The following IGFBP2 variants were observed in gnomAD, a reference collection of about 807,000 sequenced individuals.
The protein encoded by IGFBP2 is insulin like growth factor binding protein 2.
In IGFBP2, 12 loss-of-function variants were observed where a neutral mutation model predicts 26.2. The observed-to-expected ratio is 0.46, with a 90% CI of 0.29 to 0.74. IGFBP2 has a LOEUF of 0.74. IGFBP2 is among the 30% of genes least tolerant of loss of function. IGFBP2 has a pLI of 0.09. For synonymous variants in IGFBP2, 189 were observed against 200.6 expected (o/e 0.94, Z 0.49); for missense variants, 328 against 441.2 (o/e 0.74, Z 2.30).
chr2:216,637,130 T>A (rs1697514438), intron 1 of IGFBP2, among the ~76,000 whole-genome samples: 1 of 152,182 alleles, frequency 6.6e-6, no homozygotes, highest in African/African-American at 2.4e-5. Flanking sequence ...GAGTTCAAAG[T>A]CGTAAAATAG....
intron 1 of IGFBP2, among the ~76,000 whole-genome samples, chr2:216,646,116 C>T (rs529099145): frequency 2.0e-4 from 31 of 152,248 alleles, no homozygotes; most frequent in Admixed American, 5.2e-4. Context: ...TGAGAGTGGC[C>T]GGCAATCCTG....
intron 1 of IGFBP2, among the ~76,000 whole-genome samples, chr2:216,653,669 A>G (rs567296275): frequency 6.6e-6 from 1 of 152,226 alleles, no homozygotes; most frequent in Non-Finnish European, 1.5e-5. Flanking sequence ...GCTCTCCTCT[A>G]GGGGTCTTAG....
At chr2:216,636,557 A>G (rs1291213362) in intron 1 of IGFBP2, among the ~76,000 whole-genome samples, 2 of 152,010 alleles carry the variant, frequency 1.3e-5, no homozygotes, top group Non-Finnish European at 2.9e-5. Flanking sequence ...GAAACTGAGA[A>G]GTCAGTCTTG....
At position 216,663,973 on chromosome 2, in the gene IGFBP2, T is replaced by G. The variant is rs1328203951; in HGVS notation, c.847T>G (p.Cys283Gly). 6.2e-7 allele frequency: 1 copy of G among 1,613,988 alleles called. No individual in the cohort carries two copies. Residue 283 changes from cysteine to glycine, a missense_variant, in exon 4 of 4, where the codon TGC becomes GGC. By Grantham distance (159) the Cys-to-Gly change is radical. Transcript: ENST00000233809. ...GTCTCTGAACGGGCAGCGTGGGGAG[T>G]GCTGGTGTGTGAACCCCAACACCGG... The part of the protein sequence containing the change: ...KMSLNGQRGE[C>G]WCVNPNTGKL...
At chr2:216,633,351 G>T (rs1284043676), upstream of IGFBP2, 6 of 155,556 alleles carry the variant, frequency 3.9e-5, no homozygotes, top group Non-Finnish European at 7.1e-5. Flanking sequence ...GTCTCCAAAA[G>T]GGGGAGGGGA....
chr2:216,658,291 C>A (rs1697956961), intron 1 of IGFBP2, among the ~76,000 whole-genome samples: 1 of 152,136 alleles, frequency 6.6e-6, no homozygotes, highest in Non-Finnish European at 1.5e-5. Context: ...TGTCTCGAGG[C>A]TCCTCACGAG....
intron 1 of IGFBP2, among the ~76,000 whole-genome samples, chr2:216,644,451 A>T (rs575093180): frequency 1.3e-5 from 2 of 152,184 alleles, no homozygotes; most frequent in Non-Finnish European, 2.9e-5. Context: ...TCTCTGAGCC[A>T]GGAAGTCAAA....
At chr2:216,644,639 T>C (rs2106193748) in intron 1 of IGFBP2, among the ~76,000 whole-genome samples, 1 of 152,332 alleles carries the variant, frequency 6.6e-6, no homozygotes, top group South Asian at 2.1e-4. Flanking sequence ...GGGAGCCACC[T>C]CAAAGAATAA....
At position 216,664,351 on chromosome 2, in the gene IGFBP2, G is replaced by A. The variant is rs1485394480; in HGVS notation, c.*247G>A. On this transcript the variant is annotated 3_prime_UTR_variant, in exon 4 of 4. Coordinates refer to ENST00000233809, the MANE Select transcript of IGFBP2 (RefSeq NM_000597.3). This position sits in a 1 kb window ranked among gnomAD's most constrained non-coding sequence, Gnocchi z 4.6. ...AGGGGGTTGTGGTCGGGGAGCTGGG[G>A]TACAGGTTTGGGGAGGGGGAAGAGA... The A allele has an allele frequency of 5.1e-6, 2 of 392,616 alleles. No individual in the cohort carries two copies. Among genetic ancestry groups the A allele is most frequent in the Non-Finnish European group, 9.1e-6 (2 of 220,012 alleles). The allele number at this position is 392,616 out of a possible 1,614,324, so 24.3% of individuals were successfully genotyped here.
At chr2:216,656,557 C>G (rs1327282626) in intron 1 of IGFBP2, among the ~76,000 whole-genome samples, 1 of 152,122 alleles carries the variant, frequency 6.6e-6, no homozygotes, top group Non-Finnish European at 1.5e-5. Context: ...TTTTGTTGTT[C>G]CAACCTGGGG....
intron 1 of IGFBP2, among the ~76,000 whole-genome samples, chr2:216,657,023 C>T (rs956770380): frequency 1.3e-5 from 2 of 152,154 alleles, no homozygotes; most frequent in Non-Finnish European, 2.9e-5. Context: ...ACCAAGGGTT[C>T]GGGTGAGGGC....
chr2:216,643,530 T>C (rs1371046118), intron 1 of IGFBP2, among the ~76,000 whole-genome samples: 1 of 152,200 alleles, frequency 6.6e-6, no homozygotes, highest in Non-Finnish European at 1.5e-5. Flanking sequence ...GGCAAAGTAC[T>C]GCCATTGGGA....
In IGFBP2 at chr2:216,660,713, G is replaced by A. The variant is rs1698023544; in HGVS notation, c.599G>A (p.Arg200Gln). Residue 200 changes from arginine (R) to glutamine (Q), a missense_variant, in exon 2 of 4, where the codon CGG (arginine) becomes CAG (glutamine). Physicochemically the swap from Arg to Gln is conservative, Grantham distance 43. Coordinates refer to ENST00000233809, the MANE Select transcript of IGFBP2 (RefSeq NM_000597.3). ...VFREKVTEQH[R>Q]QMGKGGKHHL... Reference sequence around the variant, plus strand: ...CGGGAGAAGGTCACTGAGCAGCACCGGCAGATGGGCAAGGGTGGCAAGCAT... The same window carrying A: ...CGGGAGAAGGTCACTGAGCAGCACCAGCAGATGGGCAAGGGTGGCAAGCAT... 2 of 1,613,666 alleles carry A rather than the reference G, an allele frequency of 1.2e-6. No individual in the cohort carries two copies. The highest frequency in any genetic ancestry group is 1.7e-6 in the Non-Finnish European group (2 of 1,179,890).
chr2:216,659,158 A>G (rs1697980093), intron 1 of IGFBP2, among the ~76,000 whole-genome samples: 1 of 152,150 alleles, frequency 6.6e-6, no homozygotes, highest in Non-Finnish European at 1.5e-5. Flanking sequence ...ACCCCCATCA[A>G]ATGTTCCGTA....
intron 1 of IGFBP2, 25 bp downstream of exon 1, chr2:216,633,990 TG>T: frequency 6.4e-7 from 1 of 1,573,020 alleles, no homozygotes; most frequent in Non-Finnish European, 8.6e-7. Context: ...AACAAGTAGT[TG>T]GGAGAAACTT....
intron 1 of IGFBP2, among the ~76,000 whole-genome samples, chr2:216,647,614 G>T (rs572609845): frequency 9.8e-5 from 15 of 152,290 alleles, no homozygotes; most frequent in African/African-American, 3.4e-4. Context: ...CCGCCTCCCG[G>T]GTTTGCACCA....
In IGFBP2 at chr2:216,638,150, T is replaced by A. The variant is rs9341114; in HGVS notation, c.442+4185T>A. Among the ~76,000 whole-genome samples the A allele has an allele frequency of 5.2e-3, 797 of 151,964 alleles. 6 individuals carry two copies. The highest frequency in any genetic ancestry group is 7.6e-3 in the Non-Finnish European group (515 of 68,002). On this transcript the variant is annotated intron_variant, in intron 1 of 3. Transcript: ENST00000233809. ...TTGCAGTGAGCTGGGATTGCATCAC[T>A]GCTCTCCAGCCCGGGCAACAGAGCA...
chr2:216,647,771 T>C lies in IGFBP2; in HGVS notation c.443-12786T>C, dbSNP rs560693727. On this transcript the variant is annotated intron_variant, in intron 1 of 3. Coordinates refer to ENST00000233809, the MANE Select transcript of IGFBP2 (RefSeq NM_000597.3). ...TGCTGACCTCGTGATCTGCCCGCCT[T>C]GGCCTCCCAAAGTGCTGGGATTACA... 3.1e-3 allele frequency among the ~76,000 whole-genome samples: 465 copies of C among 152,264 alleles called. 4 individuals carry two copies. The highest frequency in any genetic ancestry group is 7.0e-3 in the African/African-American group (292 of 41,556).
chr2:216,649,914 G>GACGCC (rs1213936177), intron 1 of IGFBP2, among the ~76,000 whole-genome samples: 1 of 152,188 alleles, frequency 6.6e-6, no homozygotes, highest in Non-Finnish European at 1.5e-5. Flanking sequence ...CAGGCCAGGA[G>GACGCC]AGGCCCCTCT....
Sources: gnomAD v4.1 joint callset for allele counts (sites outside exome capture counted in the v4.1 genomes callset) on GRCh38, gnomAD v4.1.1 for gene constraint, Gnocchi (gnomAD v3.1) non-coding constraint, MANE v1.5 for transcripts, NCBI Gene and HGNC (gene_info 2026-07-23, HGNC 2026-07-21) for gene names.